FAM135A: variants seen among roughly 807,000 people sequenced by gnomAD.
FAM135A encodes the protein family with sequence similarity 135 member A.
FAM135A carries 79 observed loss-of-function variants against 146.8 expected under a neutral mutation model. That is an observed-to-expected ratio of 0.54 (90% CI 0.45 to 0.65). The LOEUF (loss-of-function observed/expected upper bound fraction) is 0.65, where lower values mean the gene tolerates loss of function less well. FAM135A is among the 30% of genes least tolerant of loss of function. The pLI is 0.00. For synonymous variants in FAM135A, 562 were observed against 603.6 expected, an observed-to-expected ratio of 0.93 and a Z score of 1.01; for missense variants, 1,623 against 1,758.2, an observed-to-expected ratio of 0.92 and a Z score of 1.38.
At chr6:70,509,073 T>TA (rs1037604909) in intron 12 of FAM135A, among the ~76,000 whole-genome samples, 3 of 152,190 alleles carry the variant, frequency 2.0e-5, no homozygotes, top group African/African-American at 4.8e-5. Flanking sequence ...TCCAAGTTGA[T>TA]ATGGTGACTC....
chr6:70,513,361 A>G (rs1289510112), intron 12 of FAM135A: 6 of 148,082 alleles, frequency 4.1e-5, no homozygotes, highest in Non-Finnish European at 6.0e-5. Context: ...ACCTTCCTCC[A>G]CAGAAAATTT....
chr6:70,414,363 T>C (rs906824423), intron 1 of FAM135A, among the ~76,000 whole-genome samples: 2 of 152,168 alleles, frequency 1.3e-5, no homozygotes, highest in Non-Finnish European at 2.9e-5. Context: ...CCATGCCCCA[T>C]CTTAGCTTCG....
intron 4 of FAM135A, among the ~76,000 whole-genome samples, chr6:70,442,239 G>T (rs60266778): frequency 0.3 from 37,430 of 125,724 alleles, 6,341 homozygotes; most frequent in African/African-American, 0.51. Flanking sequence ...TTCTTCATGG[G>T]TTTTTTTTTT....
intron 10 of FAM135A, among the ~76,000 whole-genome samples, chr6:70,483,095 T>C (rs1026693777): frequency 6.6e-6 from 1 of 152,130 alleles, no homozygotes; most frequent in Non-Finnish European, 1.5e-5. Context: ...CTAATCAGAC[T>C]ACTTAAAAAC....
intron 16 of FAM135A, among the ~76,000 whole-genome samples, chr6:70,528,805 T>C (rs1795230277): frequency 6.6e-6 from 1 of 152,070 alleles, no homozygotes; most frequent in African/African-American, 2.4e-5. Context: ...TCATCTACAT[T>C]AGGTATTTCT....
At chr6:70,533,610 TA>T (rs1174212178) in intron 17 of FAM135A, 146 bp from the exon 18 acceptor site, 1 of 583,354 alleles carries the variant, frequency 1.7e-6, no homozygotes. Flanking sequence ...CGTTTTAAGA[TA>T]AAAAAATTAC....
rs1227111527 is a variant in FAM135A, at chr6:70,461,612, G to C, written c.157+9041G>C. On this transcript the variant is annotated intron_variant, in intron 5 of 21. Coordinates refer to ENST00000418814, the MANE Select transcript of FAM135A (RefSeq NM_001162529.3). Reference sequence around the variant, plus strand: ...AACCAATAAAACTATTTATGAGATAGGAAACATGAACTAGTATGACCAAGA... The same window carrying C: ...AACCAATAAAACTATTTATGAGATACGAAACATGAACTAGTATGACCAAGA... Among the ~76,000 whole-genome samples the C allele has an allele frequency of 2.0e-5, 3 of 151,990 alleles. 1 individual carries two copies. The highest frequency in any genetic ancestry group is 1.5e-5 in the Non-Finnish European group (1 of 67,988).
Position 70,482,025 on chromosome 6 carries a change from T to C in FAM135A, c.694T>C (p.Ser232Pro), listed in dbSNP as rs781307585. The C allele has an allele frequency of 6.2e-7, 1 of 1,613,526 alleles. No homozygotes were observed. Among genetic ancestry groups the C allele is most frequent in the Non-Finnish European group, 8.5e-7 (1 of 1,179,684 alleles). Residue 232 changes from serine to proline, a missense_variant, in exon 10 of 22, where the codon TCC becomes CCC. Around this residue, in one of 7 missense-constraint regions of FAM135A, gnomAD observed 206 missense variants for 194.7 expected, o/e 1.06. Transcript: ENST00000418814. ...PDGCSFIIAD[S>P]FLHHAYRFHY... ...GGGTTGTAGCTTCATCATTGCAGAC[T>C]CCTTCCTACATCATGCGTATCGTTT... is the stretch of plus-strand genomic sequence containing the variant.
At chr6:70,530,004 C>T (rs1312977302) in intron 16 of FAM135A, among the ~76,000 whole-genome samples, 2 of 151,952 alleles carry the variant, frequency 1.3e-5, no homozygotes, top group African/African-American at 4.8e-5. Flanking sequence ...GCGGAGCTTG[C>T]GGTGAGCTGA....
chr6:70,556,265 A>G (rs1426701731), intron 20 of FAM135A, among the ~76,000 whole-genome samples: 1 of 152,120 alleles, frequency 6.6e-6, no homozygotes, highest in African/African-American at 2.4e-5. Context: ...TAATAATAAT[A>G]ATTTAAAAAA....
chr6:70,528,342 TGTACA>T lies in FAM135A; in HGVS notation c.3668_3672del (p.Tyr1223Ter). On this transcript the variant is annotated frameshift_variant, in exon 16 of 22. Coordinates refer to ENST00000418814, the MANE Select transcript of FAM135A (RefSeq NM_001162529.3). LOFTEE classifies it high-confidence loss of function. The stretch of plus-strand genomic sequence containing the variant: ...AAGCTACTAAAACTTCCTGGGTTCA[TGTACA>T]GTGAAGTTCCTCTGCTGGCATCCTC... 6.2e-7 allele frequency: 1 copy of T among 1,613,340 alleles called. No individual in the cohort carries two copies. The highest frequency in any genetic ancestry group is 8.5e-7 in the Non-Finnish European group (1 of 1,179,706).
At chr6:70,482,545 T>G (rs1256300782) in intron 10 of FAM135A, among the ~76,000 whole-genome samples, 1 of 152,168 alleles carries the variant, frequency 6.6e-6, no homozygotes, top group East Asian at 1.9e-4. Flanking sequence ...TAGGGCATTT[T>G]TGTTTACATT....
intron 4 of FAM135A, among the ~76,000 whole-genome samples, chr6:70,429,938 A>G (rs1321992270): frequency 6.6e-6 from 1 of 152,150 alleles, no homozygotes; most frequent in Non-Finnish European, 1.5e-5. Context: ...TCTTGTTGAA[A>G]AAATAAAAAC....
At chr6:70,446,654 A>G (rs929240712) in intron 4 of FAM135A, among the ~76,000 whole-genome samples, 2 of 152,220 alleles carry the variant, frequency 1.3e-5, no homozygotes, top group South Asian at 2.1e-4. Context: ...TAACTGCGTC[A>G]TAGAGTAATT....
At chr6:70,532,926 C>T (rs1267329519) in intron 16 of FAM135A, among the ~76,000 whole-genome samples, 2 of 149,544 alleles carry the variant, frequency 1.3e-5, no homozygotes, top group African/African-American at 4.9e-5. Flanking sequence ...AGCAAGACTC[C>T]ATCTCAAAAA....
At chr6:70,513,507 A>T (rs1043770433) in intron 12 of FAM135A, among the ~76,000 whole-genome samples, 13 of 151,296 alleles carry the variant, frequency 8.6e-5, no homozygotes, top group Non-Finnish European at 1.9e-4. Flanking sequence ...TGTGGGCATG[A>T]TATAGCTTCC....
At chr6:70,447,881 C>G (rs1244021020) in intron 4 of FAM135A, among the ~76,000 whole-genome samples, 2 of 152,178 alleles carry the variant, frequency 1.3e-5, no homozygotes, top group Non-Finnish European at 2.9e-5. Flanking sequence ...TTTATCCACT[C>G]AGTACTGCTG....
chr6:70,455,315 A>G lies in FAM135A; in HGVS notation c.157+2744A>G, dbSNP rs181727324. Among the ~76,000 whole-genome samples, 13 of 152,228 alleles carry G rather than the reference A, an allele frequency of 8.5e-5. No individual in the cohort carries two copies. The East Asian group carries it at 2.5e-3, about 29-fold the overall frequency. ...AATGTTAAATTTTAATGAATTATAC[A>G]TAGTGTAGAGTTTATCTTCCTGAAG... On this transcript the variant is annotated intron_variant, in intron 5 of 21. Transcript: ENST00000418814.
At chr6:70,415,542 T>C (rs1767374980) in intron 2 of FAM135A, among the ~76,000 whole-genome samples, 166 bp downstream of exon 2, 1 of 152,238 alleles carries the variant, frequency 6.6e-6, no homozygotes, top group Non-Finnish European at 1.5e-5. Context: ...TAAGAGGTGA[T>C]GCACTCATCA....
Sources: allele counts gnomAD v4.1 joint callset (sites outside exome capture counted in the v4.1 genomes callset), GRCh38; gene constraint gnomAD v4.1.1; regional missense constraint gnomAD v4.1.1; transcripts MANE v1.5; gene names NCBI Gene and HGNC (gene_info 2026-07-23, HGNC 2026-07-21).